ATG3: variants seen among roughly 807,000 people sequenced by gnomAD.
ATG3 encodes the protein autophagy related 3.
In ATG3, 25 loss-of-function variants were observed where a neutral mutation model predicts 50.7. The observed-to-expected ratio is 0.49, with a 90% CI of 0.36 to 0.69. The LOEUF (loss-of-function observed/expected upper bound fraction) is 0.69. Among genes scored for constraint, ATG3 ranks in the 30% least tolerant of loss-of-function variants. The pLI is 0.00. For missense variants in ATG3, 281 were observed against 376.0 expected, an observed-to-expected ratio of 0.75 and a Z score of 2.09; for synonymous variants, 119 against 125.5, an observed-to-expected ratio of 0.95 and a Z score of 0.34.
At chr3:112,545,440 C>T (rs573512532) in intron 5 of ATG3, among the ~76,000 whole-genome samples, 43 of 152,292 alleles carry the variant, frequency 2.8e-4, no homozygotes, top group African/African-American at 1.0e-3. Context: ...ACAGAATATG[C>T]TTAGCTCCTT....
chr3:112,561,656 G>A lies in ATG3; in HGVS notation c.-128C>T, dbSNP rs1425923178. 2.1e-6 allele frequency: 2 copies of A among 955,112 alleles called. No homozygotes were observed. Among genetic ancestry groups the A allele is most frequent in the Non-Finnish European group, 3.1e-6 (2 of 646,170 alleles). The allele number at this position is 955,112 out of a possible 1,614,324, so 59.2% of individuals were successfully genotyped here. A position where few individuals can be genotyped will look rare whatever the true frequency, so the allele number is the denominator to read the frequency against. On this transcript the variant is annotated 5_prime_UTR_variant, in exon 1 of 12. Transcript: ENST00000283290. ...AGCACCCGGCTGGCAGCACCCGAGG[G>A]GACGGGACGCGACGCGACGGGACGG...
intron 4 of ATG3, among the ~76,000 whole-genome samples, chr3:112,549,819 C>T (rs955913681): frequency 1.0e-4 from 15 of 144,276 alleles, no homozygotes; most frequent in African/African-American, 3.2e-4. Context: ...AAAAAAAAAC[C>T]ACTACCTGTT....
At chr3:112,558,345 A>T in intron 2 of ATG3, 31 bp downstream of exon 2, 1 of 1,532,550 alleles carries the variant, frequency 6.5e-7, no homozygotes, top group Non-Finnish European at 8.9e-7. Context: ...ATTGTAAAAT[A>T]AAAAGACTTC....
At chr3:112,533,863 T>C in intron 11 of ATG3, 1 of 998,136 alleles carries the variant, frequency 1.0e-6, no homozygotes, top group South Asian at 4.6e-5. Flanking sequence ...AGTACATTAC[T>C]TTTAATTAAC....
intron 2 of ATG3, among the ~76,000 whole-genome samples, chr3:112,555,408 T>G (rs1295972562): frequency 6.6e-6 from 1 of 152,236 alleles, no homozygotes; most frequent in African/African-American, 2.4e-5. Flanking sequence ...TATATAATAC[T>G]GACCAACTCC....
intron 1 of ATG3, among the ~76,000 whole-genome samples, chr3:112,560,887 G>T (rs1431519496): frequency 6.6e-6 from 1 of 152,112 alleles, no homozygotes; most frequent in African/African-American, 2.4e-5. Context: ...TGAAAAGCTT[G>T]GGAAAAAGGT....
chr3:112,548,056 A>G (rs1420026279), intron 5 of ATG3, among the ~76,000 whole-genome samples: 3 of 152,202 alleles, frequency 2.0e-5, no homozygotes, highest in African/African-American at 7.2e-5. Flanking sequence ...GGTATTATAG[A>G]AATTTGGCAT....
intron 4 of ATG3, among the ~76,000 whole-genome samples, chr3:112,549,714 G>A (rs1006326514): frequency 6.6e-6 from 1 of 150,758 alleles, no homozygotes; most frequent in Non-Finnish European, 1.5e-5. Context: ...GGCTGAGGCA[G>A]GAGAATCGCT....
intron 7 of ATG3, among the ~76,000 whole-genome samples, chr3:112,541,493 T>G (rs1015134491): frequency 4.6e-5 from 7 of 152,238 alleles, no homozygotes; most frequent in African/African-American, 1.7e-4. Flanking sequence ...AAGCAAACTT[T>G]GTTCTGCTCT....
Position 112,543,269 on chromosome 3 carries a change from C to T in ATG3, c.393+788G>A, listed in dbSNP as rs150652537. On this transcript the variant is annotated intron_variant, in intron 6 of 11. Coordinates refer to ENST00000283290, the MANE Select transcript of ATG3 (RefSeq NM_022488.5). ...AAAATAATTAAGACAAGGGTGAAAG[C>T]ATTTTATATTATTTTTTCATATCAT... Among the ~76,000 whole-genome samples, 381 of 152,116 alleles carry T rather than the reference C, an allele frequency of 2.5e-3. 1 individual carries two copies. Among genetic ancestry groups the T allele is most frequent in the African/African-American group, 8.8e-3 (366 of 41,540 alleles).
intron 11 of ATG3, chr3:112,532,981 C>A: frequency 8.4e-7 from 1 of 1,195,512 alleles, no homozygotes. Flanking sequence ...ACCACTCATT[C>A]GATTATTGAA....
At position 112,537,844 on chromosome 3, in the gene ATG3, G is replaced by A. The variant is rs1291729381; in HGVS notation, c.557C>T (p.Thr186Ile). Reference sequence around the variant, plus strand: ...AATAGCATCTTCACCGCCAGCATCAGTTTTGGCTTTACAAGCTTCTACTAT... The same window carrying A: ...AATAGCATCTTCACCGCCAGCATCAATTTTGGCTTTACAAGCTTCTACTAT... Reference protein sequence around the residue: ...RKIVEACKAKTDAGGEDAILQ... With the variant: ...RKIVEACKAKIDAGGEDAILQ... Residue 186 changes from threonine to isoleucine, a missense_variant, in exon 9 of 12, where the codon ACT (threonine) becomes ATT (isoleucine). Physicochemically the swap from Thr to Ile is moderately conservative, Grantham distance 89. Around this residue, in one of 3 missense-constraint regions of ATG3, gnomAD observed 242 missense variants for 305.0 expected, o/e 0.79. Coordinates refer to ENST00000283290, the MANE Select transcript of ATG3 (RefSeq NM_022488.5). 6.2e-7 allele frequency: 1 copy of A among 1,612,608 alleles called. No homozygotes were observed. Among genetic ancestry groups the A allele is most frequent in the African/African-American group, 1.3e-5 (1 of 74,980 alleles).
At chr3:112,548,196 A>G (rs976902434) in intron 5 of ATG3, among the ~76,000 whole-genome samples, 5 of 152,154 alleles carry the variant, frequency 3.3e-5, no homozygotes, top group Non-Finnish European at 7.4e-5. Context: ...TACTAAAAAT[A>G]CAAAAATTAG....
Position 112,532,644 on chromosome 3 carries a change from G to T in ATG3, c.*55C>A. 1 of 1,371,330 alleles carries T rather than the reference G, an allele frequency of 7.3e-7. No individual in the cohort carries two copies. The highest frequency in any genetic ancestry group is 9.9e-7 in the Non-Finnish European group (1 of 1,006,216). 84.9% of individuals were successfully genotyped at this position (1,371,330 alleles called of 1,614,324 possible). On this transcript the variant is annotated 3_prime_UTR_variant, in exon 12 of 12. Transcript: ENST00000283290. ...ATATGGTCAATGGTCACATCTATGG[G>T]TTAATTCTTTAAAAATCAGAACCAA...
intron 11 of ATG3, chr3:112,533,367 C>T (rs2082570022): frequency 1.0e-6 from 1 of 985,014 alleles, no homozygotes. Context: ...TATAGACAGT[C>T]TTCCAAGTTG....
chr3:112,559,865 G>A (rs1933797106), intron 1 of ATG3, among the ~76,000 whole-genome samples: 1 of 152,166 alleles, frequency 6.6e-6, no homozygotes, highest in Non-Finnish European at 1.5e-5. Context: ...AACAAAACAT[G>A]ATTTTTCTTA....
intron 6 of ATG3, among the ~76,000 whole-genome samples, chr3:112,543,489 A>AT (rs1381734090): frequency 2.6e-5 from 4 of 152,136 alleles, no homozygotes; most frequent in Non-Finnish European, 5.9e-5. Flanking sequence ...TTCATTCAAA[A>AT]TGTCATGAAT....
At chr3:112,533,081 A>C in intron 11 of ATG3, 3 of 1,020,118 alleles carry the variant, frequency 2.9e-6, no homozygotes, top group Non-Finnish European at 3.5e-6. Context: ...ATGAGTACAA[A>C]ATGTACTCAT....
At chr3:112,533,638 T>A (rs1223515623) in intron 11 of ATG3, 1 of 985,216 alleles carries the variant, frequency 1.0e-6, no homozygotes, top group African/African-American at 1.7e-5. Flanking sequence ...CTATCTGGCA[T>A]GTAAATCATT....
Sources: allele counts gnomAD v4.1 joint callset (sites outside exome capture counted in the v4.1 genomes callset), GRCh38; gene constraint gnomAD v4.1.1; regional missense constraint gnomAD v4.1.1; transcripts MANE v1.5; gene names NCBI Gene and HGNC (gene_info 2026-07-23, HGNC 2026-07-21).